The following PCDHA12 variants were observed in gnomAD, a reference collection of about 807,000 sequenced individuals.
PCDHA12 encodes the protein protocadherin alpha 12, also known as protocadherin alpha-12.
PCDHA12 carries 44 observed loss-of-function variants against 60.0 expected under a neutral mutation model. The observed-to-expected ratio is 0.73, with a 90% confidence interval of 0.58 to 0.94. The LOEUF (loss-of-function observed/expected upper bound fraction) is 0.94, where lower values mean the gene tolerates loss of function less well. Ranked by LOEUF, PCDHA12 falls within the 40% of genes least tolerant of loss-of-function variation. The pLI is 0.00. For synonymous variants in PCDHA12, 569 were observed against 553.0 expected (o/e 1.03, Z -0.40); for missense variants, 1,276 against 1,239.7 (o/e 1.03, Z -0.44).
At chr5:140,977,831 T>C (rs987042342) in intron 1 of PCDHA12, among the ~76,000 whole-genome samples, 3 of 152,240 alleles carry the variant, frequency 2.0e-5, no homozygotes, top group Admixed American at 1.3e-4. Flanking sequence ...AATGGTCTAT[T>C]GATATTACTA....
chr5:140,953,410 G>A (rs1328809858), intron 1 of PCDHA12, among the ~76,000 whole-genome samples: 5 of 152,042 alleles, frequency 3.3e-5, no homozygotes, highest in Non-Finnish European at 5.9e-5. Flanking sequence ...GTTGCTCCTG[G>A]CTCCTCCCCT....
chr5:140,916,717 T>C (rs781839792), intron 1 of PCDHA12, among the ~76,000 whole-genome samples: 1 of 151,908 alleles, frequency 6.6e-6, no homozygotes, highest in South Asian at 2.1e-4. Flanking sequence ...AAGGAAGGAG[T>C]GACTTTTGTT....
intron 3 of PCDHA12, among the ~76,000 whole-genome samples, chr5:140,995,181 T>G (rs1443897354): frequency 6.6e-6 from 1 of 152,186 alleles, no homozygotes; most frequent in Non-Finnish European, 1.5e-5. Context: ...GGTGCACCTA[T>G]GATAAAGTTT....
At chr5:140,998,939 A>C (rs1299425979) in intron 3 of PCDHA12, among the ~76,000 whole-genome samples, 2 of 152,248 alleles carry the variant, frequency 1.3e-5, no homozygotes, top group Admixed American at 1.3e-4. Flanking sequence ...CAGATGAAGA[A>C]ACTGTAAGTC....
intron 1 of PCDHA12, chr5:140,968,218 A>C (rs1586280879): frequency 6.2e-7 from 1 of 1,614,012 alleles, no homozygotes. Flanking sequence ...ACAATTTGCC[A>C]GGTGTGTTGC....
At chr5:140,999,620 G>A (rs184259991) in intron 3 of PCDHA12, among the ~76,000 whole-genome samples, 6 of 152,262 alleles carry the variant, frequency 3.9e-5, no homozygotes, top group African/African-American at 1.2e-4. Flanking sequence ...TATCAACCAG[G>A]AAACAAGGTA....
Position 141,009,714 on chromosome 5 carries a change from A to G in PCDHA12, c.2603A>G (p.Lys868Arg), listed in dbSNP as rs1175529844. 1 of 1,613,966 alleles carries G rather than the reference A, an allele frequency of 6.2e-7. No homozygotes were observed. Among genetic ancestry groups the G allele is most frequent in the Non-Finnish European group, 8.5e-7 (1 of 1,180,012 alleles). Reference protein sequence around the residue: ...WTFKYGPGNPKQSGPGELPDK... With the variant: ...WTFKYGPGNPRQSGPGELPDK... ...TTTAAATACGGACCAGGCAACCCCA[A>G]ACAATCCGGTCCCGGTGAGTTGCCC... The change falls in exon 4 of 4, where the codon AAA becomes AGA. Residue 868 changes from lysine to arginine, a missense_variant. By Grantham distance (26) the Lys-to-Arg change is conservative. Transcript: ENST00000398631.
chr5:140,956,733 C>A (rs1412191742), intron 1 of PCDHA12, among the ~76,000 whole-genome samples: 1 of 152,172 alleles, frequency 6.6e-6, no homozygotes, highest in Non-Finnish European at 1.5e-5. Flanking sequence ...ACCAGCTCCT[C>A]TTTGTACCTC....
intron 1 of PCDHA12, chr5:140,884,656 G>C (rs782439139): frequency 1.9e-6 from 3 of 1,602,178 alleles, no homozygotes; most frequent in Admixed American, 1.7e-5. Context: ...CAGAATGCTT[G>C]AAAGAGGTAA....
At chr5:140,994,573 C>A (rs1587629172) in intron 3 of PCDHA12, among the ~76,000 whole-genome samples, 1 of 152,000 alleles carries the variant, frequency 6.6e-6, no homozygotes, top group African/African-American at 2.4e-5. Context: ...GGTGTGGTGG[C>A]ATGCACTTGT....
chr5:140,875,876 A>C lies in PCDHA12; in HGVS notation c.404A>C (p.Glu135Ala). 1 of 1,614,178 alleles carries C rather than the reference A, an allele frequency of 6.2e-7. No homozygotes were observed. The highest frequency in any genetic ancestry group is 1.1e-5 in the South Asian group (1 of 91,078). Residue 135 changes from glutamate to alanine, a missense_variant, in exon 1 of 4, where the codon GAA (glutamate) becomes GCA (alanine). Physicochemically the swap from Glu to Ala is moderately radical, Grantham distance 107. Coordinates refer to ENST00000398631, the MANE Select transcript of PCDHA12 (RefSeq NM_018903.4). ...DINDNPPVFR[E>A]REQKVPVSES... ...AACGACAACCCGCCGGTGTTCAGAG[A>C]AAGGGAACAAAAGGTACCTGTTTCT...
At chr5:140,895,235 C>T (rs1554186440) in intron 1 of PCDHA12, among the ~76,000 whole-genome samples, 2 of 152,236 alleles carry the variant, frequency 1.3e-5, no homozygotes, top group East Asian at 1.9e-4. Context: ...GTTTTCTCAT[C>T]TCTCTTTTCA....
intron 1 of PCDHA12, among the ~76,000 whole-genome samples, chr5:140,943,257 C>CAAA (rs1238620023): frequency 1.0e-4 from 8 of 76,640 alleles, no homozygotes; most frequent in Admixed American, 6.0e-4. Context: ...GACTCTGTCT[C>CAAA]AAAAAAAAAA....
chr5:140,882,605 C>T (rs1554174797), intron 1 of PCDHA12: 2 of 1,614,120 alleles, frequency 1.2e-6, no homozygotes, highest in Non-Finnish European at 1.7e-6. Context: ...CGTGGACAGG[C>T]CTCTGCAGGT....
intron 1 of PCDHA12, among the ~76,000 whole-genome samples, chr5:140,912,180 T>C (rs2075805933): frequency 6.6e-6 from 1 of 152,168 alleles, no homozygotes; most frequent in South Asian, 2.1e-4. Flanking sequence ...TGGCAGCTGA[T>C]TAGATTGTGC....
chr5:141,003,322 G>A (rs1588017257), intron 3 of PCDHA12, among the ~76,000 whole-genome samples: 1 of 152,242 alleles, frequency 6.6e-6, no homozygotes, highest in East Asian at 1.9e-4. Flanking sequence ...ACTTCCAGAG[G>A]GCAGGGTTTT....
intron 1 of PCDHA12, among the ~76,000 whole-genome samples, chr5:140,962,126 C>T (rs1429316991): frequency 6.6e-6 from 1 of 152,094 alleles, no homozygotes; most frequent in African/African-American, 2.4e-5. Flanking sequence ...ACCTTGGCCT[C>T]GGCCTCCCAA....
intron 1 of PCDHA12, among the ~76,000 whole-genome samples, chr5:140,970,399 G>A (rs2096402631): frequency 6.6e-6 from 1 of 152,172 alleles, no homozygotes; most frequent in Non-Finnish European, 1.5e-5. Flanking sequence ...AAAGTGGATG[G>A]CTTACCCTAC....
chr5:140,980,873 T>C (rs1586863406), intron 2 of PCDHA12, among the ~76,000 whole-genome samples: 1 of 152,338 alleles, frequency 6.6e-6, no homozygotes, highest in East Asian at 1.9e-4. Context: ...TGCTTGGGTG[T>C]TCTCGGTCTT....
Sources: allele counts gnomAD v4.1 joint callset (sites outside exome capture counted in the v4.1 genomes callset), GRCh38; gene constraint gnomAD v4.1.1; transcripts MANE v1.5; gene names NCBI Gene and HGNC (gene_info 2026-07-23, HGNC 2026-07-21).